RP1: variants seen among roughly 807,000 people sequenced by gnomAD.
The protein encoded by RP1 is RP1 axonemal microtubule associated.
Under a neutral mutation model 14.8 loss-of-function variants are expected in RP1, and 16 were observed. The ratio of observed to expected loss-of-function variants is 1.08; its 90% CI spans 0.73 to 1.65. The LOEUF (loss-of-function observed/expected upper bound fraction) is 1.65, where lower values mean the gene tolerates loss of function less well. Ranked by LOEUF, RP1 falls within the 40% of genes most tolerant of loss-of-function variation. The probability of loss-of-function intolerance (pLI) is 0.00; values close to 1 mark genes in which losing one functional copy is unlikely to be tolerated. For synonymous variants in RP1, 876 were observed against 883.6 expected (o/e 0.99, Z 0.15); for missense variants, 2,631 against 2,535.0 (o/e 1.04, Z -0.81).
intron 16 of RP1, among the ~76,000 whole-genome samples, chr8:54,721,639 C>A (rs945578805): frequency 2.6e-5 from 4 of 152,162 alleles, no homozygotes; most frequent in Admixed American, 6.5e-5. Context: ...AGAAACAAAG[C>A]CATTCTTCTT....
intron 17 of RP1, among the ~76,000 whole-genome samples, chr8:54,733,030 T>C (rs1056771059): frequency 6.6e-6 from 1 of 152,122 alleles, no homozygotes; most frequent in African/African-American, 2.4e-5. Context: ...GACATGATGA[T>C]GAATGTTAAG....
chr8:54,782,566 A>AC (rs1315815831), intron 23 of RP1, among the ~76,000 whole-genome samples: 1 of 152,108 alleles, frequency 6.6e-6, no homozygotes, highest in Non-Finnish European at 1.5e-5. Flanking sequence ...TCTTCAGATT[A>AC]CCCCTGCACT....
At chr8:54,672,620 T>C (rs1807202888) in intron 7 of RP1, among the ~76,000 whole-genome samples, 1 of 152,230 alleles carries the variant, frequency 6.6e-6, no homozygotes, top group African/African-American at 2.4e-5. Context: ...TTTGTCGATG[T>C]TTAAATCTGT....
At chr8:54,775,875 T>G (rs1810023707) in intron 23 of RP1, among the ~76,000 whole-genome samples, 1 of 152,124 alleles carries the variant, frequency 6.6e-6, no homozygotes. Flanking sequence ...GTAATGTGGG[T>G]CTGAAAGTAG....
intron 24 of RP1, among the ~76,000 whole-genome samples, chr8:54,797,873 C>CTTTT (rs71254593): frequency 1.8e-5 from 2 of 112,252 alleles, no homozygotes; most frequent in African/African-American, 3.7e-5. Context: ...GTTTCCCAAC[C>CTTTT]TTTTTTTTTT....
intron 20 of RP1, chr8:54,754,975 A>G (rs1431365041): frequency 1.4e-6 from 2 of 1,432,722 alleles, no homozygotes; most frequent in African/African-American, 2.9e-5. Flanking sequence ...TCCATAGACA[A>G]ATTGTTTGGT....
intron 3 of RP1, among the ~76,000 whole-genome samples, chr8:54,643,440 T>C (rs1368507962): frequency 6.6e-6 from 1 of 152,242 alleles, no homozygotes; most frequent in East Asian, 1.9e-4. Flanking sequence ...GCAGTTCTTC[T>C]GTGGAATCAT....
intron 21 of RP1, among the ~76,000 whole-genome samples, chr8:54,756,851 T>C (rs1809518656): frequency 6.6e-6 from 1 of 152,128 alleles, no homozygotes; most frequent in Non-Finnish European, 1.5e-5. Context: ...CCTGCTGAGA[T>C]TTTGCAAGTC....
Position 54,629,180 on chromosome 8 carries a change from T to C in RP1, c.5298T>C (p.Asn1766=), listed in dbSNP as rs774750545. Residue 1766 remains asparagine, a synonymous_variant, in exon 4 of 4, where the codon AAT becomes AAC. Coordinates refer to ENST00000220676, the MANE Select transcript of RP1 (RefSeq NM_006269.2). ...CTGAAAATCCTGGCATGTGTGGCAA[T>C]GCAGACACCACATCAGTGGACACCC... ...MSSENPGMCG[N]ADTTSVDTLL... 4 of 1,614,020 alleles carry C rather than the reference T, an allele frequency of 2.5e-6. No individual in the cohort carries two copies. In the African/African-American group the frequency reaches 4.0e-5, roughly 16 times the overall value.
chr8:54,753,307 C>T (rs190227745), intron 19 of RP1, among the ~76,000 whole-genome samples: 4 of 152,322 alleles, frequency 2.6e-5, no homozygotes, highest in Admixed American at 2.0e-4. Flanking sequence ...GTTCAACAAA[C>T]GACCCAAGGA....
downstream of RP1, among the ~76,000 whole-genome samples, chr8:54,773,150 C>A (rs994438749): frequency 1.3e-5 from 2 of 152,160 alleles, no homozygotes; most frequent in Non-Finnish European, 2.9e-5. Flanking sequence ...GCATCCATCA[C>A]ACCTGCAGTC....
In RP1 at chr8:54,781,285, A is replaced by G. The variant is rs182834891; in HGVS notation, c.3452-2262A>G. 1.8e-4 allele frequency among the ~76,000 whole-genome samples: 28 copies of G among 152,306 alleles called. 1 individual carries two copies. The highest frequency in any genetic ancestry group is 3.7e-4 in the Non-Finnish European group (25 of 68,028). ...ATATAAGATAAATATTTAGACTTCA[A>G]TTACGTGGAATTTTCCTTCTTCCTT... On this transcript the variant is annotated intron_variant, in intron 23 of 28. Transcript: ENST00000637698.
At chr8:54,742,333 T>C (rs1809118824) in intron 19 of RP1, among the ~76,000 whole-genome samples, 1 of 152,242 alleles carries the variant, frequency 6.6e-6, no homozygotes, top group Admixed American at 6.5e-5. Flanking sequence ...AAAATGTTTC[T>C]TTCTTTTTAA....
At chr8:54,745,701 GTGTT>G (rs1346417748) in intron 19 of RP1, among the ~76,000 whole-genome samples, 1 of 149,198 alleles carries the variant, frequency 6.7e-6, no homozygotes, top group Non-Finnish European at 1.5e-5. Flanking sequence ...TCCAAGCACT[GTGTT>G]TGTTTGTTTT....
chr8:54,612,377 G>A (rs560824451), upstream of RP1, among the ~76,000 whole-genome samples: 3 of 152,312 alleles, frequency 2.0e-5, no homozygotes, highest in East Asian at 5.8e-4. Flanking sequence ...TGGGGGATGA[G>A]GAATGAGTAG....
chr8:54,764,018 C>G (rs1277784210), intron 22 of RP1, among the ~76,000 whole-genome samples: 1 of 152,132 alleles, frequency 6.6e-6, no homozygotes, highest in Non-Finnish European at 1.5e-5. Flanking sequence ...ATCAGCAAAT[C>G]CTGAATACCT....
At chr8:54,754,123 G>A (rs1428354861) in intron 19 of RP1, among the ~76,000 whole-genome samples, 1 of 152,170 alleles carries the variant, frequency 6.6e-6, no homozygotes. Context: ...GGGCTGACAA[G>A]GGGTCTGTGG....
rs201416764 is a variant in RP1, at chr8:54,629,188, C to T, written c.5306C>T (p.Thr1769Ile). The T allele has an allele frequency of 1.2e-6, 2 of 1,614,002 alleles. No homozygotes were observed. Among genetic ancestry groups the T allele is most frequent in the Non-Finnish European group, 1.7e-6 (2 of 1,179,990 alleles). The change falls in exon 4 of 4, where the codon ACC (threonine) becomes ATC (isoleucine). Residue 1769 changes from threonine (T) to isoleucine (I), a missense_variant. Physicochemically the swap from Thr to Ile is moderately conservative, Grantham distance 89. Coordinates refer to ENST00000220676, the MANE Select transcript of RP1 (RefSeq NM_006269.2). ...ENPGMCGNADTTSVDTLLDNN... is the reference protein window; with the variant it reads ...ENPGMCGNADITSVDTLLDNN... ...CCTGGCATGTGTGGCAATGCAGACACCACATCAGTGGACACCCTACTTGAT... is the reference window on the plus strand; with the variant it reads ...CCTGGCATGTGTGGCAATGCAGACATCACATCAGTGGACACCCTACTTGAT...
At chr8:54,848,708 T>C (rs995623068) in intron 25 of RP1, among the ~76,000 whole-genome samples, 4 of 152,202 alleles carry the variant, frequency 2.6e-5, no homozygotes, top group African/African-American at 9.6e-5. Context: ...AAAAGTTTAG[T>C]GATGAAGAAC....
Sources: allele counts gnomAD v4.1 joint callset (sites outside exome capture counted in the v4.1 genomes callset), GRCh38; gene constraint gnomAD v4.1.1; transcripts MANE v1.5; gene names NCBI Gene and HGNC (gene_info 2026-07-23, HGNC 2026-07-21).